EML2: variants seen among roughly 807,000 people sequenced by gnomAD.
EML2 encodes the protein echinoderm microtubule-associated protein-like 2.
Under a neutral mutation model 84.7 loss-of-function variants are expected in EML2, and 59 were observed. The observed-to-expected ratio is 0.70, with a 90% CI of 0.56 to 0.86. EML2 has a LOEUF of 0.86. EML2 is among the 40% of genes least tolerant of loss of function. The pLI is 0.00. For synonymous variants in EML2, 352 were observed against 348.9 expected (o/e 1.01, Z -0.10); for missense variants, 818 against 855.6 (o/e 0.96, Z 0.55).
chr19:45,645,449 A>C (rs910485531), upstream of EML2: 8 of 1,415,388 alleles, frequency 5.7e-6, no homozygotes, highest in East Asian at 2.3e-4. Flanking sequence ...CAGCATCCCC[A>C]GCTCAGCTCG....
At chr19:45,636,118 G>T (rs1973699387) in intron 3 of EML2, among the ~76,000 whole-genome samples, 1 of 152,120 alleles carries the variant, frequency 6.6e-6, no homozygotes, top group African/African-American at 2.4e-5. Context: ...CTACAGGCAT[G>T]CACCACCATG....
upstream of EML2, chr19:45,643,508 C>A: frequency 6.5e-7 from 1 of 1,531,918 alleles, no homozygotes; most frequent in Non-Finnish European, 8.7e-7. Context: ...CAACCCCGCT[C>A]ATTTTCCCAA....
At chr19:45,641,076 T>C (rs1181157778), upstream of EML2, 1 of 153,720 alleles carries the variant, frequency 6.5e-6, no homozygotes, top group African/African-American at 2.4e-5. Context: ...CCTCTTGGCA[T>C]TTGACCACGC....
rs371712778 is a variant in EML2, at chr19:45,632,952, C to A, written c.419G>T (p.Arg140Leu). The stretch of plus-strand genomic sequence containing the variant: ...GGAGAGGGAAACTGAGTCCCAGATG[C>A]GCACGTGGGGCGGCAGCGGCTGCAG... ...KEGKPLPPHV[R>L]IWDSVSLSTL... Residue 140 changes from arginine to leucine, a missense_variant, in exon 6 of 19, where the codon CGC becomes CTC. Transcript: ENST00000245925. 7.4e-5 allele frequency: 120 copies of A among 1,614,002 alleles called. 1 individual carries two copies. Among genetic ancestry groups the A allele is most frequent in the East Asian group, 4.9e-4 (22 of 44,886 alleles).
In EML2 at chr19:45,616,863, G is replaced by A. The variant is rs754084682; in HGVS notation, c.1323-10C>T. 1 of 1,609,342 alleles carries A rather than the reference G, an allele frequency of 6.2e-7. No homozygotes were observed. On this transcript the variant is annotated splice_polypyrimidine_tract_variant and intron_variant, in intron 13 of 18. Transcript: ENST00000245925. ...GTCCAGCAGCAGCCATCTTGAAGGA[G>A]AGGGCGTGGTGGGGGGAGGAGGGGT...
chr19:45,643,602 C>T, upstream of EML2: 1 of 1,536,174 alleles, frequency 6.5e-7, no homozygotes, highest in Non-Finnish European at 8.7e-7. Flanking sequence ...TGACCACAAC[C>T]AAGGAAGCCC....
intron 12 of EML2, 93 bp downstream of exon 12, chr19:45,618,967 C>T: frequency 1.5e-6 from 2 of 1,319,384 alleles, no homozygotes; most frequent in African/African-American, 1.5e-5. Context: ...AAAAAAAGAC[C>T]TTGTTTGGTT....
intron 1 of EML2, 123 bp from the exon 2 acceptor site, chr19:45,638,996 G>A (rs780968043): frequency 2.6e-6 from 3 of 1,138,776 alleles, no homozygotes; most frequent in Middle Eastern, 1.9e-4. Flanking sequence ...CGAGTAAGGG[G>A]CAGAGCGCTG....
chr19:45,613,799 C>G (rs1970742115), intron 17 of EML2, 128 bp from the exon 18 acceptor site: 2 of 1,163,478 alleles, frequency 1.7e-6, no homozygotes, highest in Admixed American at 5.2e-5. Flanking sequence ...GGATATGAGT[C>G]AGAATTACCT....
intron 3 of EML2, among the ~76,000 whole-genome samples, chr19:45,635,824 T>C (rs752580424): frequency 2.6e-5 from 4 of 151,940 alleles, no homozygotes; most frequent in Non-Finnish European, 5.9e-5. Context: ...ACTCCCAACC[T>C]CAGGTGATCT....
At chr19:45,616,689 A>G (rs1235102228) in intron 14 of EML2, 76 bp downstream of exon 14, 5 of 1,456,008 alleles carry the variant, frequency 3.4e-6, no homozygotes, top group African/African-American at 1.4e-5. Context: ...CGCAGGCTCC[A>G]CCCCTCCCCC....
Position 45,617,661 on chromosome 19 carries a change from AG to A in EML2, c.1290del (p.Ser431LeufsTer8). 6.2e-7 allele frequency: 1 copy of A among 1,613,976 alleles called. No individual in the cohort carries two copies. The highest frequency in any genetic ancestry group is 8.5e-7 in the Non-Finnish European group (1 of 1,179,920). ...GTCACTGTACCCACAGCCAGGACAG[AG>A]CCACTGGGGTGGAAGCCGGCTGAGC... Reference protein sequence around the residue: ...PARSAGFHPSGSVLAVGTVTG... With the variant: ...PARSAGFHPSXSVLAVGTVTG... On this transcript the variant is annotated frameshift_variant, in exon 13 of 19. Coordinates refer to ENST00000245925, the MANE Select transcript of EML2 (RefSeq NM_012155.4). LOFTEE classifies it high-confidence loss of function.
chr19:45,643,176 C>T (rs1974739151), upstream of EML2, among the ~76,000 whole-genome samples: 1 of 152,164 alleles, frequency 6.6e-6, no homozygotes, highest in African/African-American at 2.4e-5. Context: ...CGTCTCTTCA[C>T]TGTTTCTAAG....
At chr19:45,621,751 T>G in intron 9 of EML2, 114 bp from the exon 10 acceptor site, 3 of 250,634 alleles carry the variant, frequency 1.2e-5, no homozygotes, top group Non-Finnish European at 1.9e-5. Flanking sequence ...CTTTTCCACC[T>G]TTTTTTTTTT....
At chr19:45,613,887 G>T (rs1180532775) in intron 17 of EML2, among the ~76,000 whole-genome samples, 7 of 152,154 alleles carry the variant, frequency 4.6e-5, no homozygotes, top group African/African-American at 1.7e-4. Flanking sequence ...AAGAAAGCCT[G>T]TGGTTCTAAG....
At chr19:45,630,467 C>T (rs1568469878) in intron 6 of EML2, among the ~76,000 whole-genome samples, 2 of 148,296 alleles carry the variant, frequency 1.3e-5, no homozygotes, top group Non-Finnish European at 3.0e-5. Context: ...GCAGGAGAAT[C>T]GCTTGAACTG....
At chr19:45,626,998 C>CA (rs1972432565) in intron 7 of EML2, among the ~76,000 whole-genome samples, 159 bp from the exon 8 acceptor site, 2 of 146,472 alleles carry the variant, frequency 1.4e-5, no homozygotes, top group African/African-American at 5.1e-5. Flanking sequence ...CTCACCCTGT[C>CA]ACCCAGACTG....
In EML2 at chr19:45,637,470, ATT is replaced by A. The variant is rs66503218; in HGVS notation, c.179+1033_179+1034del. 2.4e-3 allele frequency among the ~76,000 whole-genome samples: 244 copies of A among 101,602 alleles called. 1 individual carries two copies. The highest frequency in any genetic ancestry group is 5.4e-3 in the African/African-American group (135 of 24,958). 66.7% of individuals were successfully genotyped at this position (101,602 alleles called of 152,430 possible). ...GTAAGTGCTTGAGTTATTATTTTGGATTTTTTTTTTTTTTTTTTTTTTTTTGA... is the reference window on the plus strand; with the variant it reads ...GTAAGTGCTTGAGTTATTATTTTGGATTTTTTTTTTTTTTTTTTTTTTTGA... On this transcript the variant is annotated intron_variant, in intron 3 of 18. Coordinates refer to ENST00000245925, the MANE Select transcript of EML2 (RefSeq NM_012155.4).
chr19:45,632,826 C>T, intron 6 of EML2, 35 bp downstream of exon 6: 6 of 1,569,314 alleles, frequency 3.8e-6, no homozygotes, highest in African/African-American at 1.4e-5. Context: ...CTTTTCGGGG[C>T]GAAGGGGCGG....
Sources: gnomAD v4.1 joint callset for allele counts (sites outside exome capture counted in the v4.1 genomes callset) on GRCh38, gnomAD v4.1.1 for gene constraint, MANE v1.5 for transcripts, NCBI Gene and HGNC (gene_info 2026-07-23, HGNC 2026-07-21) for gene names.